Variants in CTNNA3 observed in about 807,000 individuals in gnomAD.
CTNNA3 encodes catenin alpha 3.
A neutral mutation model predicts 95.7 loss-of-function variants in CTNNA3; 76 were observed. The observed-to-expected ratio is 0.79, with a 90% CI of 0.66 to 0.96. The LOEUF is 0.96. CTNNA3 is among the 40% of genes least tolerant of loss of function. The pLI is 0.00. For missense variants in CTNNA3, 1,191 were observed against 1,089.8 expected, an observed-to-expected ratio of 1.09 and a Z score of -1.31; for synonymous variants, 431 against 374.4, an observed-to-expected ratio of 1.15 and a Z score of -1.74.
intron 1 of CTNNA3, among the ~76,000 whole-genome samples, chr10:67,745,320 C>T (rs988175611): frequency 3.3e-5 from 5 of 151,898 alleles, no homozygotes; most frequent in Admixed American, 6.6e-5. Context: ...CATGGAATAC[C>T]ATGCAGCCAT....
chr10:67,206,944 A>G (rs746701647), intron 6 of CTNNA3, among the ~76,000 whole-genome samples: 9 of 152,108 alleles, frequency 5.9e-5, no homozygotes, highest in Non-Finnish European at 1.0e-4. Flanking sequence ...CAGCTAAGCC[A>G]ACATGGTGAA....
At chr10:66,180,722 T>C (rs1191023340) in intron 13 of CTNNA3, among the ~76,000 whole-genome samples, 1 of 152,188 alleles carries the variant, frequency 6.6e-6, no homozygotes, top group Non-Finnish European at 1.5e-5. Context: ...AGAAGTTACA[T>C]AAACTTGTAA....
chr10:67,569,179 A>G (rs1357767476), intron 3 of CTNNA3, among the ~76,000 whole-genome samples: 2 of 152,144 alleles, frequency 1.3e-5, no homozygotes, highest in African/African-American at 4.8e-5. Flanking sequence ...GTATTCCATA[A>G]TGTTCTCTTG....
chr10:66,135,534 T>C (rs2083302384), intron 13 of CTNNA3, among the ~76,000 whole-genome samples: 2 of 152,110 alleles, frequency 1.3e-5, no homozygotes, highest in Non-Finnish European at 2.9e-5. Context: ...CTAAAACATA[T>C]AGAAAGAATA....
At chr10:67,366,385 T>G (rs527867017) in intron 5 of CTNNA3, among the ~76,000 whole-genome samples, 2 of 151,004 alleles carry the variant, frequency 1.3e-5, no homozygotes, top group Admixed American at 1.3e-4. Flanking sequence ...GAAAAGAAAT[T>G]CACTGACATT....
At chr10:66,235,741 CAG>C (rs1247422298) in intron 13 of CTNNA3, among the ~76,000 whole-genome samples, 1 of 151,476 alleles carries the variant, frequency 6.6e-6, no homozygotes, top group Non-Finnish European at 1.5e-5. Flanking sequence ...GGCAAATACC[CAG>C]ATAGTTATGA....
At chr10:67,480,304 A>T (rs542146337) in intron 5 of CTNNA3, among the ~76,000 whole-genome samples, 1 of 152,338 alleles carries the variant, frequency 6.6e-6, no homozygotes. Context: ...AGAAAACTAC[A>T]GGCCAATATC....
rs561703348 is a variant in CTNNA3, at chr10:66,429,661, A to T, written c.1532-50309T>A. Reference sequence around the variant, plus strand: ...AACCAAAGACAAAAAACACATGATTATTTCGATAGATGCAGAAAAGGTCTT... The same window carrying T: ...AACCAAAGACAAAAAACACATGATTTTTTCGATAGATGCAGAAAAGGTCTT... On this transcript the variant is annotated intron_variant, in intron 11 of 17. Coordinates refer to ENST00000433211, the MANE Select transcript of CTNNA3 (RefSeq NM_013266.4). 3.3e-3 allele frequency among the ~76,000 whole-genome samples: 505 copies of T among 152,332 alleles called. 1 individual carries two copies. The highest frequency in any genetic ancestry group is 0.012 in the African/African-American group (484 of 41,564).
intron 9 of CTNNA3, among the ~76,000 whole-genome samples, chr10:66,752,550 A>T (rs1258580440): frequency 6.6e-6 from 1 of 152,168 alleles, no homozygotes; most frequent in African/African-American, 2.4e-5. Flanking sequence ...TCATAAAAGC[A>T]TAATCCATAT....
intron 5 of CTNNA3, among the ~76,000 whole-genome samples, chr10:67,467,818 C>T (rs1847656301): frequency 6.6e-6 from 1 of 151,864 alleles, no homozygotes; most frequent in Non-Finnish European, 1.5e-5. Flanking sequence ...TCAGGTGATC[C>T]TCCCACCTCA....
chr10:66,591,185 C>A (rs1382982239), intron 10 of CTNNA3, among the ~76,000 whole-genome samples: 1 of 152,130 alleles, frequency 6.6e-6, no homozygotes, highest in Non-Finnish European at 1.5e-5. Flanking sequence ...CAAAAGAGAG[C>A]AGCCTCAGCA....
At chr10:66,382,856 G>A (rs1398797034) in intron 11 of CTNNA3, among the ~76,000 whole-genome samples, 1 of 152,150 alleles carries the variant, frequency 6.6e-6, no homozygotes, top group African/African-American at 2.4e-5. Context: ...GGACCTGATA[G>A]AAGGAAAACT....
chr10:65,966,482 T>C (rs2077967826), intron 17 of CTNNA3, 130 bp downstream of exon 17: 1 of 664,670 alleles, frequency 1.5e-6, no homozygotes, highest in African/African-American at 1.8e-5. Flanking sequence ...CATGTACTTT[T>C]AATAAAAACT....
intron 11 of CTNNA3, among the ~76,000 whole-genome samples, chr10:66,471,675 G>A (rs1309728679): frequency 6.6e-6 from 1 of 151,450 alleles, no homozygotes; most frequent in Non-Finnish European, 1.5e-5. Context: ...CTTACCTAGT[G>A]ACATCACATA....
At chr10:67,116,437 G>T (rs1859192949) in intron 7 of CTNNA3, among the ~76,000 whole-genome samples, 2 of 151,862 alleles carry the variant, frequency 1.3e-5, no homozygotes, top group Admixed American at 1.3e-4. Flanking sequence ...GCCTCCCTTG[G>T]GAGGTAGGGA....
chr10:67,294,289 A>G (rs1382881750), intron 5 of CTNNA3, among the ~76,000 whole-genome samples: 2 of 152,188 alleles, frequency 1.3e-5, no homozygotes, highest in Non-Finnish European at 2.9e-5. Context: ...AAATATACCA[A>G]TAGACACAAG....
At chr10:66,879,504 T>C (rs1371306768) in intron 7 of CTNNA3, among the ~76,000 whole-genome samples, 4 of 152,124 alleles carry the variant, frequency 2.6e-5, no homozygotes, top group Non-Finnish European at 5.9e-5. Context: ...CAATAAATCT[T>C]ACCACACACT....
intron 5 of CTNNA3, among the ~76,000 whole-genome samples, chr10:67,224,951 T>C (rs1238832015): frequency 6.6e-6 from 1 of 152,146 alleles, no homozygotes; most frequent in Non-Finnish European, 1.5e-5. Flanking sequence ...CGTTTTCATT[T>C]GAAGGTGGCA....
intron 1 of CTNNA3, among the ~76,000 whole-genome samples, chr10:67,759,185 C>A (rs1466305120): frequency 6.6e-6 from 1 of 152,142 alleles, no homozygotes; most frequent in Admixed American, 6.5e-5. Context: ...TTCACGATAC[C>A]TTTAATTTAC....
Sources: allele counts gnomAD v4.1 joint callset (sites outside exome capture counted in the v4.1 genomes callset), GRCh38; gene constraint gnomAD v4.1.1; transcripts MANE v1.5; gene names NCBI Gene and HGNC (gene_info 2026-07-23, HGNC 2026-07-21).